The following CAMK2D variants were observed in gnomAD, a reference collection of about 807,000 sequenced individuals.
CAMK2D encodes calcium/calmodulin dependent protein kinase II delta, also known as calcium/calmodulin-dependent protein kinase type II subunit delta.
CAMK2D carries 37 observed loss-of-function variants against 84.0 expected under a neutral mutation model. The ratio of observed to expected loss-of-function variants is 0.44; its 90% CI spans 0.34 to 0.58. The LOEUF (loss-of-function observed/expected upper bound fraction) is 0.58, where lower values mean the gene tolerates loss of function less well. CAMK2D is among the 20% of genes least tolerant of loss of function. The pLI is 0.02. For missense variants in CAMK2D, 448 were observed against 652.5 expected (o/e 0.69, Z 3.41); for synonymous variants, 202 against 212.5 (o/e 0.95, Z 0.43).
intron 3 of CAMK2D, among the ~76,000 whole-genome samples, chr4:113,661,102 G>T (rs899803587): frequency 6.6e-6 from 1 of 152,068 alleles, no homozygotes; most frequent in Non-Finnish European, 1.5e-5. Context: ...GCCTGTAGCT[G>T]AACAATTCTT....
chr4:113,555,405 G>C (rs1038046593), intron 4 of CAMK2D, among the ~76,000 whole-genome samples: 1 of 151,980 alleles, frequency 6.6e-6, no homozygotes, highest in African/African-American at 2.4e-5. Flanking sequence ...GGTAGGACTG[G>C]GACTAACTCT....
chr4:113,530,756 G>GGGA (rs2098452618), intron 8 of CAMK2D, among the ~76,000 whole-genome samples: 1 of 152,120 alleles, frequency 6.6e-6, no homozygotes, highest in Non-Finnish European at 1.5e-5. Flanking sequence ...CTGGCACCTT[G>GGGA]ATTTTGAATT....
Position 113,505,014 on chromosome 4 carries a change from C to G in CAMK2D, c.1006G>C (p.Val336Leu). Residue 336 changes from valine to leucine, a missense_variant, in exon 14 of 21, where the codon GTA becomes CTA. Transcript: ENST00000511664. ...GVKINNKANV[V>L]TSPKENIPTP... ...GGAATATTTTCTTTGGGGCTGGTTA[C>G]CACGTTGGCTTTGTTGTTTATCTGT... The G allele has an allele frequency of 1.3e-6, 2 of 1,582,722 alleles. No homozygotes were observed. The highest frequency in any genetic ancestry group is 1.7e-6 in the Non-Finnish European group (2 of 1,171,826).
At position 113,754,352 on chromosome 4, in the gene CAMK2D, A is replaced by G. The variant is rs904734069; in HGVS notation, c.160+4968T>C. 8.1e-6 allele frequency: 8 copies of G among 982,644 alleles called. No individual in the cohort carries two copies. In the African/African-American group the frequency reaches 1.4e-4, roughly 17 times the overall value. 60.9% of individuals were successfully genotyped at this position (982,644 alleles called of 1,614,324 possible). On this transcript the variant is annotated intron_variant, in intron 2 of 20. Transcript: ENST00000511664. The stretch of plus-strand genomic sequence containing the variant: ...AAGCCCAAGGAAGACTTTAAAAATA[A>G]ATTAAAATTCTAGTTAACAAAAAAG...
chr4:113,488,824 T>G (rs2097791423), intron 16 of CAMK2D, among the ~76,000 whole-genome samples: 1 of 152,166 alleles, frequency 6.6e-6, no homozygotes, highest in Non-Finnish European at 1.5e-5. Context: ...CATGTTTTTG[T>G]TTGTTGGTTC....
chr4:113,691,142 G>T (rs2099385884), intron 2 of CAMK2D, among the ~76,000 whole-genome samples: 1 of 152,062 alleles, frequency 6.6e-6, no homozygotes, highest in African/African-American at 2.4e-5. Context: ...TCACAAAAAA[G>T]ATACTAAAGG....
At chr4:113,565,512 G>A (rs1313857557) in intron 4 of CAMK2D, among the ~76,000 whole-genome samples, 8 of 152,104 alleles carry the variant, frequency 5.3e-5, no homozygotes, top group East Asian at 1.9e-4. Context: ...TCAGCTGGGC[G>A]TGGTGGTGCA....
At chr4:113,682,841 G>A (rs1053006414) in intron 2 of CAMK2D, among the ~76,000 whole-genome samples, 12 of 152,006 alleles carry the variant, frequency 7.9e-5, no homozygotes, top group African/African-American at 2.4e-4. Flanking sequence ...ATTAGTCATC[G>A]AAGTTTTGCT....
At chr4:113,538,982 T>G (rs538724751) in intron 6 of CAMK2D, among the ~76,000 whole-genome samples, 35 of 152,314 alleles carry the variant, frequency 2.3e-4, no homozygotes, top group African/African-American at 7.7e-4. Context: ...GTAATTTAAT[T>G]TGGAGTATGG....
chr4:113,527,261 G>GTT (rs34049340), intron 8 of CAMK2D, among the ~76,000 whole-genome samples: 1 of 147,810 alleles, frequency 6.8e-6, no homozygotes. Flanking sequence ...TAGCAATACA[G>GTT]TTTTTTTTTT....
At chr4:113,484,803 A>T (rs1190749855) in intron 16 of CAMK2D, among the ~76,000 whole-genome samples, 1 of 152,018 alleles carries the variant, frequency 6.6e-6, no homozygotes, top group African/African-American at 2.4e-5. Flanking sequence ...ATCTTTCCTC[A>T]TTATTTAGGA....
Position 113,588,888 on chromosome 4 carries a change from G to GA in CAMK2D, c.275+20263dup, listed in dbSNP as rs55849934. Among the ~76,000 whole-genome samples the GA allele has an allele frequency of 4.5e-3, 656 of 146,710 alleles. 5 individuals are homozygous for GA. Among genetic ancestry groups the GA allele is most frequent in the South Asian group, 0.015 (69 of 4,606 alleles). ...GTAGTTTAATAGTGGTGTCAAAAAA[G>GA]AAAAAAAAAAAAAGCCAAGGAAGGA... On this transcript the variant is annotated intron_variant, in intron 4 of 20. Coordinates refer to ENST00000511664, the MANE Select transcript of CAMK2D (RefSeq NM_001321571.2).
chr4:113,546,611 G>C (rs771234704), intron 6 of CAMK2D, among the ~76,000 whole-genome samples: 1 of 152,138 alleles, frequency 6.6e-6, no homozygotes, highest in South Asian at 2.1e-4. Context: ...AAGTCTGCAC[G>C]TGAGAAATAA....
chr4:113,454,254 GA>G lies in CAMK2D; in HGVS notation c.*290del, dbSNP rs2097278744. 3.3e-6 allele frequency: 1 copy of G among 304,154 alleles called. No homozygotes were observed. The highest frequency in any genetic ancestry group is 2.3e-5 in the African/African-American group (1 of 43,896). The allele number at this position is 304,154 out of a possible 1,614,324, so 18.8% of individuals were successfully genotyped here. On this transcript the variant is annotated 3_prime_UTR_variant, in exon 21 of 21. Transcript: ENST00000511664. ...GAAGAGTTGTACTTGGAATATTGTG[GA>G]TTTTTTTTTTTGTCTAATCTCCCCC...
chr4:113,675,412 G>T (rs1298813634), intron 2 of CAMK2D, among the ~76,000 whole-genome samples: 1 of 152,162 alleles, frequency 6.6e-6, no homozygotes, highest in African/African-American at 2.4e-5. Context: ...CAGAGAGATT[G>T]CTCACTAGCC....
chr4:113,664,905 GCAATTCTC>G (rs2099251780), intron 2 of CAMK2D, among the ~76,000 whole-genome samples: 2 of 151,792 alleles, frequency 1.3e-5, no homozygotes. Context: ...CCGGGTTCAA[GCAATTCTC>G]CTGCCTCAGC....
chr4:113,460,069 G>A (rs1196522647), intron 18 of CAMK2D, 78 bp downstream of exon 18: 1 of 838,930 alleles, frequency 1.2e-6, no homozygotes, highest in Non-Finnish European at 2.1e-6. Context: ...TTGTAGAAAA[G>A]AGCAAAATAA....
intron 3 of CAMK2D, among the ~76,000 whole-genome samples, chr4:113,617,053 T>A (rs1317807803): frequency 6.6e-6 from 1 of 152,224 alleles, no homozygotes; most frequent in Non-Finnish European, 1.5e-5. Context: ...ATTTGTTTTA[T>A]GAATTTTGAT....
intron 16 of CAMK2D, among the ~76,000 whole-genome samples, chr4:113,465,961 T>A (rs1279693026): frequency 6.6e-6 from 1 of 152,014 alleles, no homozygotes; most frequent in Non-Finnish European, 1.5e-5. Context: ...TAAAATTAGT[T>A]TTTACTAAGG....
Sources: gnomAD v4.1 joint callset for allele counts (sites outside exome capture counted in the v4.1 genomes callset) on GRCh38, gnomAD v4.1.1 for gene constraint, MANE v1.5 for transcripts, NCBI Gene and HGNC (gene_info 2026-07-23, HGNC 2026-07-21) for gene names.